Variants in TTC29 observed in about 807,000 individuals in gnomAD.
TTC29 encodes tetratricopeptide repeat domain 29.
TTC29 carries 49 observed loss-of-function variants against 58.1 expected under a neutral mutation model. The ratio of observed to expected loss-of-function variants is 0.84; its 90% CI spans 0.67 to 1.07. The LOEUF (loss-of-function observed/expected upper bound fraction) is 1.07, where lower values mean the gene tolerates loss of function less well. Among genes scored for constraint, TTC29 ranks in the 50% least tolerant of loss-of-function variants. The pLI, the probability that TTC29 is intolerant of heterozygous loss-of-function variation, is 0.00. For synonymous variants in TTC29, 209 were observed against 196.8 expected (o/e 1.06, Z -0.52); for missense variants, 582 against 555.6 (o/e 1.05, Z -0.48).
At chr4:146,938,147 A>G (rs1008845715) in intron 3 of TTC29, among the ~76,000 whole-genome samples, 1 of 152,116 alleles carries the variant, frequency 6.6e-6, no homozygotes, top group African/African-American at 2.4e-5. Flanking sequence ...CACACATAAA[A>G]CTCAAATTAT....
chr4:146,895,192 C>T (rs1026748723), intron 6 of TTC29, among the ~76,000 whole-genome samples: 13 of 152,094 alleles, frequency 8.5e-5, no homozygotes, highest in Non-Finnish European at 1.9e-4. Context: ...TCCATGGACA[C>T]CTCTGTTTTA....
intron 9 of TTC29, among the ~76,000 whole-genome samples, chr4:146,831,214 C>A (rs1728134652): frequency 6.6e-6 from 1 of 152,048 alleles, no homozygotes; most frequent in African/African-American, 2.4e-5. Context: ...CCATGTCTAC[C>A]ATGAAATCAC....
chr4:146,731,895 G>T (rs181934779), intron 11 of TTC29, among the ~76,000 whole-genome samples: 18 of 152,134 alleles, frequency 1.2e-4, no homozygotes, highest in African/African-American at 4.1e-4. Context: ...GCCAGTTAGC[G>T]TTGCTTGTAG....
chr4:146,823,060 T>G (rs2150144014), intron 9 of TTC29, among the ~76,000 whole-genome samples: 1 of 152,356 alleles, frequency 6.6e-6, no homozygotes, highest in East Asian at 1.9e-4. Flanking sequence ...GGTTGCCTGT[T>G]CACTCTGATG....
chr4:146,764,645 C>T (rs1747155006), intron 11 of TTC29, among the ~76,000 whole-genome samples: 2 of 152,030 alleles, frequency 1.3e-5, no homozygotes, highest in African/African-American at 4.8e-5. Context: ...CATGTTCGAA[C>T]ATAGGTATCA....
At chr4:146,909,274 T>C (rs1369789887) in intron 4 of TTC29, 25 bp from the exon 5 acceptor site, 1 of 1,538,028 alleles carries the variant, frequency 6.5e-7, no homozygotes, top group East Asian at 2.3e-5. Context: ...CAGAACACTC[T>C]CAGGTTTATG....
intron 10 of TTC29, among the ~76,000 whole-genome samples, chr4:146,818,526 C>T (rs1037214697): frequency 6.6e-6 from 1 of 152,174 alleles, no homozygotes. Flanking sequence ...GTCAGTGTGG[C>T]AATTCCCCAG....
intron 11 of TTC29, among the ~76,000 whole-genome samples, chr4:146,795,131 C>T (rs781387394): frequency 2.6e-5 from 4 of 152,030 alleles, no homozygotes; most frequent in South Asian, 2.1e-4. Context: ...GAAGAGAAAA[C>T]GTGAGTATAA....
chr4:146,887,456 A>G (rs1732062888), intron 6 of TTC29, among the ~76,000 whole-genome samples: 1 of 152,132 alleles, frequency 6.6e-6, no homozygotes, highest in South Asian at 2.1e-4. Flanking sequence ...TTATTTGTGT[A>G]GAGTATGATA....
intron 8 of TTC29, among the ~76,000 whole-genome samples, chr4:146,844,215 C>A (rs1329042945): frequency 6.6e-6 from 1 of 152,146 alleles, no homozygotes; most frequent in Non-Finnish European, 1.5e-5. Context: ...ATCTAAAACT[C>A]TCTCTTTAAA....
intron 4 of TTC29, among the ~76,000 whole-genome samples, chr4:146,910,484 GAACA>G (rs1001076335): frequency 6.6e-6 from 1 of 152,036 alleles, no homozygotes; most frequent in African/African-American, 2.4e-5. Context: ...CTTAGGTAGA[GAACA>G]AACAAATGAG....
intron 8 of TTC29, among the ~76,000 whole-genome samples, chr4:146,847,881 A>G (rs1347965259): frequency 6.6e-6 from 1 of 152,206 alleles, no homozygotes; most frequent in Admixed American, 6.5e-5. Context: ...TGCAGCCTGG[A>G]TAACTCCAAC....
At position 146,817,679 on chromosome 4, in the gene TTC29, A is replaced by G. The variant is rs547142096; in HGVS notation, c.1101+2446T>C. On this transcript the variant is annotated intron_variant, in intron 10 of 12. Coordinates refer to ENST00000325106, the MANE Select transcript of TTC29 (RefSeq NM_031956.4). ...GAGGCATCATGCTACCTGACTTCAA[A>G]CTATACTACAAGGCTACAGTAACCA... Among the ~76,000 whole-genome samples, 685 of 152,328 alleles carry G rather than the reference A, an allele frequency of 4.5e-3. 8 individuals carry two copies. Among genetic ancestry groups the G allele is most frequent in the African/African-American group, 0.016 (657 of 41,570 alleles).
chr4:146,810,392 T>C (rs1016561495), intron 10 of TTC29, among the ~76,000 whole-genome samples: 1 of 152,120 alleles, frequency 6.6e-6, no homozygotes, highest in Non-Finnish European at 1.5e-5. Flanking sequence ...ATCCCAGAAC[T>C]TAAAGTATAT....
chr4:146,754,405 C>G (rs966511646), intron 11 of TTC29, among the ~76,000 whole-genome samples: 1 of 151,958 alleles, frequency 6.6e-6, no homozygotes, highest in African/African-American at 2.4e-5. Flanking sequence ...TTCTTAAGCT[C>G]TTCTGAACAT....
chr4:146,808,155 T>C (rs1579722218), intron 10 of TTC29, among the ~76,000 whole-genome samples: 2 of 152,198 alleles, frequency 1.3e-5, no homozygotes, highest in African/African-American at 2.4e-5. Context: ...ATTATCACAA[T>C]AGATGCAGAA....
intron 11 of TTC29, among the ~76,000 whole-genome samples, chr4:146,735,452 G>A (rs1165937296): frequency 4.6e-5 from 7 of 152,124 alleles, no homozygotes; most frequent in Non-Finnish European, 7.4e-5. Flanking sequence ...GAGGACCCAC[G>A]GCTCGCTACT....
At chr4:146,723,435 C>G (rs1262217570) in intron 11 of TTC29, among the ~76,000 whole-genome samples, 2 of 152,064 alleles carry the variant, frequency 1.3e-5, no homozygotes, top group African/African-American at 4.8e-5. Context: ...AATAAACTAT[C>G]AACAGAGTAA....
intron 6 of TTC29, 126 bp downstream of exon 6, chr4:146,903,418 C>G (rs887571577): frequency 1.2e-6 from 1 of 801,820 alleles, no homozygotes; most frequent in Non-Finnish European, 1.8e-6. Context: ...GCTTTTTGAT[C>G]TCAATAATAT....
Sources: allele counts gnomAD v4.1 joint callset (sites outside exome capture counted in the v4.1 genomes callset), GRCh38; gene constraint gnomAD v4.1.1; transcripts MANE v1.5; gene names NCBI Gene and HGNC (gene_info 2026-07-23, HGNC 2026-07-21).